Variants in OR2T11 observed in about 807,000 individuals in gnomAD.
The protein encoded by OR2T11 is olfactory receptor 2T11.
Under a neutral mutation model 13.5 loss-of-function variants are expected in OR2T11, and 14 were observed. The observed-to-expected ratio is 1.04, with a 90% CI of 0.69 to 1.62. The LOEUF (loss-of-function observed/expected upper bound fraction) is 1.62, where lower values mean the gene tolerates loss of function less well. Among genes scored for constraint, OR2T11 ranks in the 40% most tolerant of loss-of-function variants. OR2T11 has a pLI of 0.00. For missense variants in OR2T11, 410 were observed against 389.7 expected (o/e 1.05, Z -0.44); for synonymous variants, 163 against 154.6 (o/e 1.05, Z -0.40).
intron 1 of OR2T11, among the ~76,000 whole-genome samples, chr1:248,629,670 T>C (rs1660576781): frequency 7.2e-6 from 1 of 139,200 alleles, no homozygotes; most frequent in Non-Finnish European, 1.5e-5. Flanking sequence ...TTAAGGCCCA[T>C]CACGTTCTGA....
In OR2T11 at chr1:248,626,106, C is replaced by T. The variant is rs778927357; in HGVS notation, c.*72G>A. On this transcript the variant is annotated 3_prime_UTR_variant, in exon 2 of 2. Coordinates refer to ENST00000641193, the MANE Select transcript of OR2T11 (RefSeq NM_001001964.2). The stretch of plus-strand genomic sequence containing the variant: ...TAGTAAGTGTAGGTTGATAGCTGAG[C>T]AGATCATCTCCAGGGAAACAGGGCA... 30 of 824,310 alleles carry T rather than the reference C, an allele frequency of 3.6e-5. 1 individual carries two copies. Among genetic ancestry groups the T allele is most frequent in the Non-Finnish European group, 5.8e-5 (29 of 500,774 alleles). 51.1% of individuals were successfully genotyped at this position (824,310 alleles called of 1,614,324 possible). A position where few individuals can be genotyped will look rare whatever the true frequency, so the allele number is the denominator to read the frequency against.
intron 1 of OR2T11, among the ~76,000 whole-genome samples, chr1:248,634,178 C>T (rs28435482): frequency 0.94 from 132,662 of 141,496 alleles, 64,018 homozygotes; most frequent in East Asian, 1. Flanking sequence ...TCGTTTATTA[C>T]ACTAGTATTT....
rs947486951 is a variant in OR2T11 at position 248,627,242 on chromosome 1, T to G, written c.-114A>C. ...GCAGTAGAGGTGACACTTCTGAGGG[T>G]ACCGTCAGGATGAAGCTTCCAGGCT... On this transcript the variant is annotated 5_prime_UTR_variant, in exon 2 of 2. Transcript: ENST00000641193. 3 of 636,288 alleles carry G rather than the reference T, an allele frequency of 4.7e-6. No individual in the cohort carries two copies. The highest frequency in any genetic ancestry group is 8.0e-6 in the Non-Finnish European group (3 of 374,358). 39.4% of individuals were successfully genotyped at this position (636,288 alleles called of 1,614,324 possible). A position where few individuals can be genotyped will look rare whatever the true frequency, so the allele number is the denominator to read the frequency against.
intron 1 of OR2T11, 104 bp from the exon 2 acceptor site, chr1:248,627,376 C>T (rs1402613652): frequency 2.1e-6 from 1 of 485,190 alleles, no homozygotes; most frequent in Non-Finnish European, 3.6e-6. Flanking sequence ...TATGGTTCAT[C>T]ATGCTGCTGG....
At position 248,625,122 on chromosome 1, in the gene OR2T11, T is replaced by C. The variant is rs886508913; in HGVS notation, c.*1056A>G. On this transcript the variant is annotated 3_prime_UTR_variant, in exon 2 of 2. Coordinates refer to ENST00000641193, the MANE Select transcript of OR2T11 (RefSeq NM_001001964.2). ...TTTCCAAATATCAATATTCCATTTT[T>C]TTATTCACTTGGGCCCAAACCAATA... The C allele has an allele frequency of 7.0e-6, 1 of 143,756 alleles. No individual in the cohort carries two copies. The highest frequency in any genetic ancestry group is 1.5e-5 in the Non-Finnish European group (1 of 66,368). The allele number at this position is 143,756 out of a possible 1,614,324, so 8.9% of individuals were successfully genotyped here. A position where few individuals can be genotyped will look rare whatever the true frequency, so the allele number is the denominator to read the frequency against.
At position 248,630,814 on chromosome 1, in the gene OR2T11, C is replaced by T. The variant is rs143970652; in HGVS notation, c.-144-3542G>A. Reference sequence around the variant, plus strand: ...CTAATGTCTGGAACCGATGAATATGCTCTCTTAAGTGGCAAAAAAGACTTT... The same window carrying T: ...CTAATGTCTGGAACCGATGAATATGTTCTCTTAAGTGGCAAAAAAGACTTT... On this transcript the variant is annotated intron_variant, in intron 1 of 1. Transcript: ENST00000641193. Among the ~76,000 whole-genome samples the T allele has an allele frequency of 6.1e-3, 879 of 143,422 alleles. 175 individuals are homozygous for T. Among genetic ancestry groups the T allele is most frequent in the African/African-American group, 0.023 (847 of 36,416 alleles). 94.1% of individuals were successfully genotyped at this position (143,422 alleles called of 152,430 possible).
Position 248,630,952 on chromosome 1 carries a change from C to T in OR2T11, c.-144-3680G>A, listed in dbSNP as rs548258282. Among the ~76,000 whole-genome samples, 7 of 143,010 alleles carry T rather than the reference C, an allele frequency of 4.9e-5. 1 individual carries two copies. The highest frequency in any genetic ancestry group is 2.7e-4 in the Admixed American group (4 of 14,692). 93.8% of individuals were successfully genotyped at this position (143,010 alleles called of 152,430 possible). ...AGAGAGGAGGAAGGAGAGTCAGAGACGTGATATGAAAACAGGTCGGAGGGA... is the reference window on the plus strand; with the variant it reads ...AGAGAGGAGGAAGGAGAGTCAGAGATGTGATATGAAAACAGGTCGGAGGGA... On this transcript the variant is annotated intron_variant, in intron 1 of 1. Coordinates refer to ENST00000641193, the MANE Select transcript of OR2T11 (RefSeq NM_001001964.2).
chr1:248,627,517 T>C (rs1660542442), intron 1 of OR2T11, among the ~76,000 whole-genome samples: 1 of 142,828 alleles, frequency 7.0e-6, no homozygotes, highest in African/African-American at 2.8e-5. Context: ...GTTAAGTAAA[T>C]ACTAGTTGGA....
intron 1 of OR2T11, among the ~76,000 whole-genome samples, chr1:248,629,674 G>A (rs1393645898): frequency 2.9e-5 from 4 of 139,218 alleles, no homozygotes; most frequent in East Asian, 2.1e-4. Flanking sequence ...GGCCCATCAC[G>A]TTCTGAACAT....
Position 248,626,170 on chromosome 1 carries a change from G to A in OR2T11, c.*8C>T, listed in dbSNP as rs1237757681. On this transcript the variant is annotated 3_prime_UTR_variant, in exon 2 of 2. Transcript: ENST00000641193. Reference sequence around the variant, plus strand: ...CTTAGGAAGCCTTATCCTCTGGGCAGTGACTCTCTAAGCATCACTTGTTGC... The same window carrying A: ...CTTAGGAAGCCTTATCCTCTGGGCAATGACTCTCTAAGCATCACTTGTTGC... 5 of 1,405,896 alleles carry A rather than the reference G, an allele frequency of 3.6e-6. 1 individual carries two copies. The allele number at this position is 1,405,896 out of a possible 1,614,324, so 87.1% of individuals were successfully genotyped here.
rs1660524112 is a variant in OR2T11, at chr1:248,626,604, G to GA, written c.524dup (p.Cys176LeufsTer2). ...GTTTCAGAACTGCTGGGATCTCACA[G>GA]AAAAAATGGTTGATACTTCGGGAGC... On this transcript the variant is annotated frameshift_variant, in exon 2 of 2. Coordinates refer to ENST00000641193, the MANE Select transcript of OR2T11 (RefSeq NM_001001964.2). LOFTEE classifies it high-confidence loss of function. 8.3e-6 allele frequency: 13 copies of GA among 1,573,272 alleles called. 2 individuals are homozygous for GA. The highest frequency in any genetic ancestry group is 3.4e-5 in the South Asian group (3 of 88,894).
In OR2T11 at chr1:248,626,617, A is replaced by C. The variant is rs373335992; in HGVS notation, c.512T>G (p.Ile171Ser). The C allele has an allele frequency of 4.9e-5, 77 of 1,573,086 alleles. 5 individuals carry two copies. The highest frequency in any genetic ancestry group is 6.5e-5 in the Non-Finnish European group (75 of 1,156,768). ...TGGGATCTCACAGAAAAAATGGTTG[A>C]TACTTCGGGAGCCACAGTAAGGGAC... ...MNVPYCGSRS[I>S]NHFFCEIPAV... The change falls in exon 2 of 2, where the codon ATC becomes AGC. Residue 171 changes from isoleucine to serine, a missense_variant. Coordinates refer to ENST00000641193, the MANE Select transcript of OR2T11 (RefSeq NM_001001964.2).
chr1:248,626,323 T>C lies in OR2T11; in HGVS notation c.806A>G (p.Lys269Arg), dbSNP rs1367219287. 1.3e-6 allele frequency: 2 copies of C among 1,572,756 alleles called. No individual in the cohort carries two copies. The highest frequency in any genetic ancestry group is 1.7e-4 in the Middle Eastern group (1 of 5,974). ...AATGGTATAGAAGGCTGACACTACT[T>C]TGTCCTGCTCGGGGGTGTGGAAGGA... ...PQSFHTPEQD[K>R]VVSAFYTIVT... Residue 269 changes from lysine to arginine, a missense_variant, in exon 2 of 2, where the codon AAA becomes AGA. By Grantham distance (26) the Lys-to-Arg change is conservative. Coordinates refer to ENST00000641193, the MANE Select transcript of OR2T11 (RefSeq NM_001001964.2).
chr1:248,633,968 GA>G (rs1660650297), intron 1 of OR2T11, among the ~76,000 whole-genome samples: 1 of 117,654 alleles, frequency 8.5e-6, no homozygotes, highest in Non-Finnish European at 1.7e-5. Context: ...AGTGAAGCTG[GA>G]AATAATTTAA....
Position 248,631,687 on chromosome 1 carries a change from A to G in OR2T11, c.-145+3351T>C, listed in dbSNP as rs1306000080. On this transcript the variant is annotated intron_variant, in intron 1 of 1. Transcript: ENST00000641193. ...TTCCAGAAACACAAAATTCTCCCTA[A>G]CTCTTGGGCAATTCTCAGTCATTAC... Among the ~76,000 whole-genome samples the G allele has an allele frequency of 2.1e-5, 3 of 141,876 alleles. 1 individual carries two copies. The highest frequency in any genetic ancestry group is 8.4e-5 in the African/African-American group (3 of 35,720). The allele number at this position is 141,876 out of a possible 152,430, so 93.1% of individuals were successfully genotyped here.
At position 248,626,846 on chromosome 1, in the gene OR2T11, C is replaced by A. The variant is rs748351589; in HGVS notation, c.283G>T (p.Gly95Cys). 6.4e-7 allele frequency: 1 copy of A among 1,571,798 alleles called. No individual in the cohort carries two copies. The highest frequency in any genetic ancestry group is 1.7e-5 in the Admixed American group (1 of 58,276). Residue 95 changes from glycine to cysteine, a missense_variant, in exon 2 of 2, where the codon GGC becomes TGC. By Grantham distance (159) the Gly-to-Cys change is radical. Transcript: ENST00000641193. ...GTCAGGTAGAGGAAGATCTGGATGCCACAGGCCACAAAGGAAATGATCTTC... is the reference window on the plus strand; with the variant it reads ...GTCAGGTAGAGGAAGATCTGGATGCAACAGGCCACAAAGGAAATGATCTTC... ...KEKIISFVAC[G>C]IQIFLYLTMI...
intron 1 of OR2T11, among the ~76,000 whole-genome samples, chr1:248,628,711 TAG>T (rs555129534): frequency 7.0e-6 from 1 of 142,806 alleles, no homozygotes; most frequent in Non-Finnish European, 1.5e-5. Context: ...TCAGTACAAA[TAG>T]AGTCTAAACA....
At chr1:248,634,681 A>T (rs1289159967) in intron 1 of OR2T11, among the ~76,000 whole-genome samples, 1 of 138,346 alleles carries the variant, frequency 7.2e-6, no homozygotes, top group Non-Finnish European at 1.5e-5. Context: ...TCAGGACCTG[A>T]CGTTTCAGTC....
Position 248,624,060 on chromosome 1 carries a change from T to C in OR2T11, c.*2118A>G, listed in dbSNP as rs1278543023. 2.8e-5 allele frequency: 4 copies of C among 141,932 alleles called. No homozygotes were observed. Among genetic ancestry groups the C allele is most frequent in the Admixed American group, 2.1e-4 (3 of 14,562 alleles). 8.8% of individuals were successfully genotyped at this position (141,932 alleles called of 1,614,324 possible). On this transcript the variant is annotated 3_prime_UTR_variant, in exon 2 of 2. Coordinates refer to ENST00000641193, the MANE Select transcript of OR2T11 (RefSeq NM_001001964.2). Reference sequence around the variant, plus strand: ...ATAACACACGCTCTGCCTGACCTCCTGCTATTGTCACTGAGTTGGCCATGC... The same window carrying C: ...ATAACACACGCTCTGCCTGACCTCCCGCTATTGTCACTGAGTTGGCCATGC...
Sources: allele counts gnomAD v4.1 joint callset (sites outside exome capture counted in the v4.1 genomes callset), GRCh38; gene constraint gnomAD v4.1.1; transcripts MANE v1.5; gene names NCBI Gene and HGNC (gene_info 2026-07-23, HGNC 2026-07-21).